BICC1: variants seen among roughly 807,000 people sequenced by gnomAD.
BICC1 encodes BicC family RNA binding protein 1, also known as protein bicaudal C homolog 1.
A neutral mutation model predicts 111.0 loss-of-function variants in BICC1; 43 were observed. That is an observed-to-expected ratio of 0.39 (90% CI 0.30 to 0.50). The LOEUF (loss-of-function observed/expected upper bound fraction) is 0.50, where lower values mean the gene tolerates loss of function less well. BICC1 is among the 20% of genes least tolerant of loss of function. The probability of loss-of-function intolerance (pLI) is 0.88; values close to 1 mark genes in which losing one functional copy is unlikely to be tolerated. For missense variants in BICC1, 1,091 were observed against 1,203.2 expected, an observed-to-expected ratio of 0.91 and a Z score of 1.38; for synonymous variants, 467 against 434.4, an observed-to-expected ratio of 1.07 and a Z score of -0.93.
chr10:58,632,588 A>G (rs571535942), intron 2 of BICC1, among the ~76,000 whole-genome samples: 2 of 152,198 alleles, frequency 1.3e-5, no homozygotes, highest in South Asian at 4.1e-4. Context: ...TTTGAGGACT[A>G]GGTAAAAGGA....
At chr10:58,789,639 A>T in intron 7 of BICC1, 43 bp from the exon 8 acceptor site, 2 of 1,605,248 alleles carry the variant, frequency 1.2e-6, no homozygotes, top group Non-Finnish European at 1.7e-6. Context: ...GTATATGAAC[A>T]GTTAATGTAT....
chr10:58,608,970 A>C (rs1186765259), intron 1 of BICC1, among the ~76,000 whole-genome samples: 12 of 152,236 alleles, frequency 7.9e-5, no homozygotes, highest in Admixed American at 7.8e-4. Flanking sequence ...ATAGCAAAAC[A>C]GACTGCCTGG....
chr10:58,612,983 C>T (rs1284644362), intron 1 of BICC1, among the ~76,000 whole-genome samples: 2 of 152,162 alleles, frequency 1.3e-5, no homozygotes, highest in South Asian at 2.1e-4. Flanking sequence ...ATAGTTTACA[C>T]CTGTTTCAAC....
chr10:58,628,839 T>C (rs1335177921), intron 2 of BICC1, among the ~76,000 whole-genome samples: 1 of 152,232 alleles, frequency 6.6e-6, no homozygotes, highest in African/African-American at 2.4e-5. Context: ...GGCTCCAATG[T>C]CATTGCTAGG....
chr10:58,680,442 AAATACC>A (rs1839482453), intron 2 of BICC1, among the ~76,000 whole-genome samples: 1 of 152,192 alleles, frequency 6.6e-6, no homozygotes, highest in Non-Finnish European at 1.5e-5. Flanking sequence ...AAAAAGAATA[AAATACC>A]TAGGAATACA....
chr10:58,661,309 TC>T (rs1329840212), intron 2 of BICC1, among the ~76,000 whole-genome samples: 2 of 151,944 alleles, frequency 1.3e-5, no homozygotes, highest in Non-Finnish European at 2.9e-5. Context: ...TAGTTCCATG[TC>T]ATTTCTCTCT....
chr10:58,568,171 G>A (rs1214697794), intron 1 of BICC1, among the ~76,000 whole-genome samples: 2 of 152,158 alleles, frequency 1.3e-5, no homozygotes, highest in Non-Finnish European at 2.9e-5. Context: ...CTAAGGACTA[G>A]ATGAGGAGAT....
At chr10:58,802,696 G>A (rs575962062) in intron 14 of BICC1, among the ~76,000 whole-genome samples, 38 of 152,258 alleles carry the variant, frequency 2.5e-4, no homozygotes, top group African/African-American at 8.4e-4. Context: ...ATATCTCCTT[G>A]ATGTATAAAA....
chr10:58,710,764 G>T (rs1017374561), intron 3 of BICC1, among the ~76,000 whole-genome samples: 8 of 152,186 alleles, frequency 5.3e-5, no homozygotes, highest in Admixed American at 5.2e-4. Context: ...TTCTGTATGT[G>T]TGGTTGAAAT....
intron 1 of BICC1, among the ~76,000 whole-genome samples, chr10:58,608,104 G>A (rs1845289713): frequency 6.6e-6 from 1 of 152,158 alleles, no homozygotes. Context: ...TATACTCCTA[G>A]TATTATACAA....
At chr10:58,619,620 G>A (rs544049009) in intron 1 of BICC1, among the ~76,000 whole-genome samples, 16 of 151,838 alleles carry the variant, frequency 1.1e-4, no homozygotes, top group East Asian at 7.8e-4. Flanking sequence ...AACTACAGGC[G>A]CACACCACCA....
intron 1 of BICC1, among the ~76,000 whole-genome samples, chr10:58,602,954 T>A (rs1243659061): frequency 2.0e-5 from 3 of 152,212 alleles, no homozygotes; most frequent in Non-Finnish European, 4.4e-5. Flanking sequence ...CCAGTTCCAC[T>A]GGACACCTGC....
chr10:58,686,911 G>C (rs577526968), intron 2 of BICC1, among the ~76,000 whole-genome samples: 1 of 152,146 alleles, frequency 6.6e-6, no homozygotes, highest in African/African-American at 2.4e-5. Flanking sequence ...TTGTTCCATT[G>C]CTGGCGAGGA....
intron 3 of BICC1, among the ~76,000 whole-genome samples, chr10:58,762,897 C>T (rs1842356267): frequency 1.3e-5 from 2 of 151,328 alleles, no homozygotes. Context: ...ACAAAGGAGG[C>T]CCAGTACATT....
At position 58,513,124 on chromosome 10, in the gene BICC1, C is replaced by T. The variant is rs766790750; in HGVS notation, c.-20C>T. 1 of 1,431,166 alleles carries T rather than the reference C, an allele frequency of 7.0e-7. No homozygotes were observed. Among genetic ancestry groups the T allele is most frequent in the South Asian group, 1.5e-5 (1 of 67,896 alleles). 88.7% of individuals were successfully genotyped at this position (1,431,166 alleles called of 1,614,324 possible). On this transcript the variant is annotated 5_prime_UTR_variant, in exon 1 of 21. Transcript: ENST00000373886. ...GCAGAGCGGCGGCGGCAGCGGGAGC[C>T]CGAGCGCTGCGCGCCCACCATGGCC...
At chr10:58,824,902 G>A (rs1177502030) in intron 20 of BICC1, among the ~76,000 whole-genome samples, 2 of 152,120 alleles carry the variant, frequency 1.3e-5, no homozygotes, top group African/African-American at 4.8e-5. Context: ...CAGTGATTTT[G>A]AGGTGGGGGC....
intron 2 of BICC1, among the ~76,000 whole-genome samples, chr10:58,640,834 G>T (rs1384398612): frequency 6.6e-6 from 1 of 152,184 alleles, no homozygotes; most frequent in African/African-American, 2.4e-5. Flanking sequence ...CTATTACATG[G>T]TGAACACATC....
At chr10:58,753,548 A>G (rs1842050378) in intron 3 of BICC1, among the ~76,000 whole-genome samples, 1 of 152,018 alleles carries the variant, frequency 6.6e-6, no homozygotes, top group Non-Finnish European at 1.5e-5. Context: ...ATTTTTTTCC[A>G]CAAGATGAGT....
chr10:58,790,129 G>A (rs1319208825), intron 8 of BICC1, among the ~76,000 whole-genome samples, 196 bp downstream of exon 8: 1 of 152,180 alleles, frequency 6.6e-6, no homozygotes, highest in East Asian at 1.9e-4. Context: ...TAATTTCATT[G>A]CATATGTAAT....
Sources: gnomAD v4.1 joint callset for allele counts (sites outside exome capture counted in the v4.1 genomes callset) on GRCh38, gnomAD v4.1.1 for gene constraint, MANE v1.5 for transcripts, NCBI Gene and HGNC (gene_info 2026-07-23, HGNC 2026-07-21) for gene names.